The following NPAS2 variants were observed in gnomAD, a reference collection of about 807,000 sequenced individuals.
NPAS2 encodes the protein neuronal PAS domain-containing protein 2.
NPAS2 carries 23 observed loss-of-function variants against 107.5 expected under a neutral mutation model. That is an observed-to-expected ratio of 0.21 (90% CI 0.15 to 0.30). The LOEUF is 0.30. Ranked by LOEUF, NPAS2 falls within the 10% of genes least tolerant of loss-of-function variation. The pLI is 1.00. For missense variants in NPAS2, 756 were observed against 1,043.3 expected (o/e 0.72, Z 3.79); for synonymous variants, 403 against 417.5 (o/e 0.97, Z 0.42).
At chr2:100,921,498 T>C (rs987099636) in intron 2 of NPAS2, among the ~76,000 whole-genome samples, 22 of 152,174 alleles carry the variant, frequency 1.4e-4, no homozygotes, top group African/African-American at 4.8e-4. Context: ...TCCATGTATA[T>C]TTAAAACACA....
chr2:100,839,905 G>T (rs1012849204), intron 1 of NPAS2, among the ~76,000 whole-genome samples: 1 of 152,094 alleles, frequency 6.6e-6, no homozygotes, highest in African/African-American at 2.4e-5. Context: ...GCTACTCTAT[G>T]TTTAAATAAT....
chr2:100,833,806 AAGAGGCTTG>A lies in NPAS2; in HGVS notation c.-23+13393_-23+13401del, dbSNP rs1168113577. On this transcript the variant is annotated intron_variant, in intron 1 of 20. Coordinates refer to ENST00000335681, the MANE Select transcript of NPAS2 (RefSeq NM_002518.4). ...TCATGTGGCCTTTCTTTTTTATCTAAAGAGGCTTGGCTTGCAGAATGGAGGCTCAGCTCC... is the reference window on the plus strand; with the variant it reads ...TCATGTGGCCTTTCTTTTTTATCTAAGCTTGCAGAATGGAGGCTCAGCTCC... Among the ~76,000 whole-genome samples the A allele has an allele frequency of 3.9e-5, 6 of 152,176 alleles. No homozygotes were observed. In the East Asian group the frequency reaches 1.2e-3, roughly 29 times the overall value.
chr2:100,835,759 C>A (rs1677015294), intron 1 of NPAS2, among the ~76,000 whole-genome samples: 1 of 152,188 alleles, frequency 6.6e-6, no homozygotes, highest in Non-Finnish European at 1.5e-5. Flanking sequence ...CAGCTTTTCA[C>A]CTGGGTCTCA....
At chr2:100,920,288 A>G (rs1056271541) in intron 2 of NPAS2, among the ~76,000 whole-genome samples, 6 of 152,164 alleles carry the variant, frequency 3.9e-5, no homozygotes, top group Admixed American at 2.6e-4. Context: ...TCAAAATTGC[A>G]AGGAGAGTAA....
intron 1 of NPAS2, among the ~76,000 whole-genome samples, chr2:100,852,113 T>A (rs990321808): frequency 1.3e-5 from 2 of 152,112 alleles, no homozygotes; most frequent in Admixed American, 6.6e-5. Context: ...ATAAAAGTTT[T>A]TGGCCGGGCA....
intron 20 of NPAS2, 26 bp downstream of exon 20, chr2:100,993,553 C>T (rs763811327): frequency 3.4e-6 from 5 of 1,486,804 alleles, no homozygotes; most frequent in Admixed American, 2.5e-5. Flanking sequence ...CAGGGGGCCC[C>T]CGTGCAGGCC....
At chr2:100,865,826 T>A (rs1679215959) in intron 1 of NPAS2, among the ~76,000 whole-genome samples, 1 of 152,142 alleles carries the variant, frequency 6.6e-6, no homozygotes, top group Non-Finnish European at 1.5e-5. Context: ...ACTCTCTAAG[T>A]TCTGGAAGGT....
intron 1 of NPAS2, among the ~76,000 whole-genome samples, chr2:100,854,072 C>G (rs1678398357): frequency 6.7e-6 from 1 of 148,394 alleles, no homozygotes; most frequent in African/African-American, 2.5e-5. Flanking sequence ...ATCAGTTGAG[C>G]CTGGGAGGTC....
chr2:100,907,861 C>T (rs1387588789), intron 2 of NPAS2, among the ~76,000 whole-genome samples: 1 of 152,124 alleles, frequency 6.6e-6, no homozygotes, highest in African/African-American at 2.4e-5. Context: ...ACTGAGTGCT[C>T]TATTCTTCAG....
chr2:100,975,686 T>A, intron 14 of NPAS2, 119 bp downstream of exon 14: 1 of 668,078 alleles, frequency 1.5e-6, no homozygotes, highest in Non-Finnish European at 2.4e-6. Flanking sequence ...ATTGAGAGTG[T>A]AGGGTGGCAG....
intron 1 of NPAS2, among the ~76,000 whole-genome samples, chr2:100,863,958 A>G (rs1298596912): frequency 6.6e-6 from 1 of 152,166 alleles, no homozygotes; most frequent in Non-Finnish European, 1.5e-5. Context: ...TCCAAGCCAA[A>G]CACAACTCAG....
intron 12 of NPAS2, 73 bp downstream of exon 12, chr2:100,971,147 A>G (rs1676522744): frequency 2.1e-6 from 3 of 1,433,844 alleles, no homozygotes; most frequent in Non-Finnish European, 2.9e-6. Context: ...AGTCTCTGAA[A>G]CAAGGGTTTC....
At chr2:100,955,151 G>T (rs1247396668) in intron 7 of NPAS2, among the ~76,000 whole-genome samples, 1 of 152,076 alleles carries the variant, frequency 6.6e-6, no homozygotes, top group Admixed American at 6.6e-5. Context: ...ATTTTTATAG[G>T]ACACTTGCTC....
chr2:100,849,854 C>T (rs1323790511), intron 1 of NPAS2, among the ~76,000 whole-genome samples: 1 of 151,922 alleles, frequency 6.6e-6, no homozygotes, highest in Non-Finnish European at 1.5e-5. Flanking sequence ...CTAAAAGAGA[C>T]ATCAGGAGTC....
chr2:100,924,124 G>A (rs1486767516), intron 2 of NPAS2, among the ~76,000 whole-genome samples: 1 of 152,158 alleles, frequency 6.6e-6, no homozygotes, highest in East Asian at 1.9e-4. Context: ...GACAAACTGA[G>A]TGAAAGACAC....
chr2:100,818,758 G>A (rs1299153800), upstream of NPAS2, among the ~76,000 whole-genome samples: 2 of 152,258 alleles, frequency 1.3e-5, no homozygotes, highest in Admixed American at 1.3e-4. Context: ...AGAGACGTCC[G>A]GAAAAGGCTG....
intron 7 of NPAS2, among the ~76,000 whole-genome samples, chr2:100,957,056 A>C (rs901423402): frequency 2.6e-5 from 4 of 152,156 alleles, no homozygotes; most frequent in African/African-American, 9.7e-5. Flanking sequence ...CCCTACTTCA[A>C]TGTTTGCACA....
chr2:100,971,720 G>T (rs972776476), intron 12 of NPAS2, among the ~76,000 whole-genome samples: 2 of 151,950 alleles, frequency 1.3e-5, no homozygotes, highest in African/African-American at 4.8e-5. Context: ...CCCTCTACTC[G>T]CCTCTGCCTA....
chr2:100,879,634 C>A (rs1421896676), intron 1 of NPAS2, among the ~76,000 whole-genome samples: 1 of 152,106 alleles, frequency 6.6e-6, no homozygotes, highest in African/African-American at 2.4e-5. Flanking sequence ...GCATAATGTC[C>A]TCCAGGCCCG....
Sources: gnomAD v4.1 joint callset for allele counts (sites outside exome capture counted in the v4.1 genomes callset) on GRCh38, gnomAD v4.1.1 for gene constraint, MANE v1.5 for transcripts, NCBI Gene and HGNC (gene_info 2026-07-23, HGNC 2026-07-21) for gene names.